ATP1A1: variants seen among roughly 807,000 people sequenced by gnomAD.
ATP1A1 encodes the protein sodium/potassium-transporting ATPase subunit alpha-1.
Under a neutral mutation model 114.8 loss-of-function variants are expected in ATP1A1, and 14 were observed. The ratio of observed to expected loss-of-function variants is 0.12; its 90% CI spans 0.08 to 0.19. The LOEUF is 0.19. Ranked by LOEUF, ATP1A1 falls within the 10% of genes least tolerant of loss-of-function variation. The probability of loss-of-function intolerance (pLI) is 1.00; values close to 1 mark genes in which losing one functional copy is unlikely to be tolerated. For missense variants in ATP1A1, 524 were observed against 1,290.7 expected, an observed-to-expected ratio of 0.41 and a Z score of 9.10; for synonymous variants, 471 against 466.3, an observed-to-expected ratio of 1.01 and a Z score of -0.13.
At chr1:116,386,713 A>G (rs10924076) in intron 3 of ATP1A1, among the ~76,000 whole-genome samples, 5,076 of 152,234 alleles carry the variant, frequency 0.033, 293 homozygotes, top group African/African-American at 0.11. Flanking sequence ...AGTACTTTTC[A>G]GTCAACAGGT....
rs1440360198 is a variant in ATP1A1 at position 116,403,955 on chromosome 1, T to A, written c.3023T>A (p.Ile1008Asn). 2 of 1,614,214 alleles carry A rather than the reference T, an allele frequency of 1.2e-6. No individual in the cohort carries two copies. Among genetic ancestry groups the A allele is most frequent in the Non-Finnish European group, 1.7e-6 (2 of 1,180,022 alleles). Residue 1008 changes from isoleucine to asparagine, a missense_variant, in exon 22 of 23, where the codon ATC becomes AAC. Around this residue, in one of 8 missense-constraint regions of ATP1A1, gnomAD observed 84 missense variants for 209.3 expected, o/e 0.40. Coordinates refer to ENST00000295598, the MANE Select transcript of ATP1A1 (RefSeq NM_000701.8). The stretch of plus-strand genomic sequence containing the variant: ...GTATATGACGAAGTCAGAAAACTCA[T>A]CATCAGGCGACGCCCTGGCGGTAAT... ...IFVYDEVRKL[I>N]IRRRPGGWVE...
intron 1 of ATP1A1, among the ~76,000 whole-genome samples, chr1:116,377,196 A>T (rs1213778021): frequency 6.6e-6 from 1 of 152,244 alleles, no homozygotes; most frequent in Non-Finnish European, 1.5e-5. Context: ...TCAGTTTCTC[A>T]TCTGGCTTTT....
chr1:116,378,347 C>G (rs772889792), intron 1 of ATP1A1, among the ~76,000 whole-genome samples: 5 of 152,216 alleles, frequency 3.3e-5, no homozygotes, highest in Non-Finnish European at 7.3e-5. Flanking sequence ...TGAAATATAT[C>G]TGCACGTGAT....
At chr1:116,374,350 A>G (rs1456882449) in intron 1 of ATP1A1, 5 of 1,511,248 alleles carry the variant, frequency 3.3e-6, no homozygotes, top group Non-Finnish European at 4.5e-6. Flanking sequence ...TTTTTTTTGA[A>G]GGGACGAGCC....
intron 1 of ATP1A1, among the ~76,000 whole-genome samples, chr1:116,378,280 A>G (rs1651494326): frequency 1.3e-5 from 2 of 152,220 alleles, no homozygotes; most frequent in Non-Finnish European, 2.9e-5. Flanking sequence ...GTGACTTTAC[A>G]GTGAATCTCT....
rs911133333 is a variant in ATP1A1, at chr1:116,385,819, T to A, written c.183+977T>A. On this transcript the variant is annotated intron_variant, in intron 3 of 22. Coordinates refer to ENST00000295598, the MANE Select transcript of ATP1A1 (RefSeq NM_000701.8). This position sits in a 1 kb window ranked among gnomAD's most constrained non-coding sequence, Gnocchi z 4.3. ...TCACAGAAGTCATCTTCTGTGTTGA[T>A]TGTTGGGGTGTAAGAGTAGAGAAGA... 30 of 152,096 alleles carry A rather than the reference T, an allele frequency of 2.0e-4. No individual in the cohort carries two copies. The highest frequency in any genetic ancestry group is 7.2e-4 in the African/African-American group (30 of 41,388). The allele number at this position is 152,096 out of a possible 1,614,324, so 9.4% of individuals were successfully genotyped here. A position where few individuals can be genotyped will look rare whatever the true frequency, so the allele number is the denominator to read the frequency against.
Position 116,393,780 on chromosome 1 carries a change from T to C in ATP1A1, c.1660+57T>C, listed in dbSNP as rs1652666974. 2 of 1,518,806 alleles carry C rather than the reference T, an allele frequency of 1.3e-6. No homozygotes were observed. The highest frequency in any genetic ancestry group is 1.8e-6 in the Non-Finnish European group (2 of 1,119,260). 94.1% of individuals were successfully genotyped at this position (1,518,806 alleles called of 1,614,324 possible). A position where few individuals can be genotyped will look rare whatever the true frequency, so the allele number is the denominator to read the frequency against. On this transcript the variant is annotated intron_variant, in intron 12 of 22. Transcript: ENST00000295598. This position sits in a 1 kb window ranked among gnomAD's most constrained non-coding sequence, Gnocchi z 5.0. The stretch of plus-strand genomic sequence containing the variant: ...GGCACGTTTTTATCCAGTAACCTAG[T>C]CTGGTAGACAGTTAACAAGTGATCC...
intron 1 of ATP1A1, chr1:116,374,112 C>T: frequency 6.5e-7 from 1 of 1,528,634 alleles, no homozygotes; most frequent in Non-Finnish European, 8.8e-7. Flanking sequence ...GACGCTGGGG[C>T]TTAGCTTGCT....
At position 116,397,900 on chromosome 1, in the gene ATP1A1, C is replaced by G. The variant is rs1653071897; in HGVS notation, c.1986C>G (p.Ala662=). 1.2e-6 allele frequency: 2 copies of G among 1,611,108 alleles called. No homozygotes were observed. The highest frequency in any genetic ancestry group is 1.7e-4 in the Middle Eastern group (1 of 6,046). The change falls in exon 15 of 23, where the codon GCC becomes GCG. Residue 662 remains alanine, a synonymous_variant. Coordinates refer to ENST00000295598, the MANE Select transcript of ATP1A1 (RefSeq NM_000701.8). This position sits in a 1 kb window ranked among gnomAD's most constrained non-coding sequence, Gnocchi z 4.2. ...GTCCTAATTCTAGGGATGCCAAGGC[C>G]TGCGTAGTACACGGCAGTGATCTAA... The part of the protein sequence containing the change: ...VSQVNPRDAK[A]CVVHGSDLKD...
intron 1 of ATP1A1, among the ~76,000 whole-genome samples, chr1:116,377,159 GTAAAA>G (rs930065322): frequency 6.6e-6 from 1 of 152,212 alleles, no homozygotes; most frequent in African/African-American, 2.4e-5. Flanking sequence ...AGGTTTAAAA[GTAAAA>G]TAAAATAAAA....
Position 116,388,092 on chromosome 1 carries a change from T to G in ATP1A1, c.388-39T>G. On this transcript the variant is annotated intron_variant, in intron 4 of 22. Transcript: ENST00000295598. This position sits in a 1 kb window ranked among gnomAD's most constrained non-coding sequence, Gnocchi z 5.6. Reference sequence around the variant, plus strand: ...ATTAATTGAATGTCCCTAATTATTGTGTAGAGCCACGGGCCCTAACTTGTC... The same window carrying G: ...ATTAATTGAATGTCCCTAATTATTGGGTAGAGCCACGGGCCCTAACTTGTC... 1 of 1,347,312 alleles carries G rather than the reference T, an allele frequency of 7.4e-7. No individual in the cohort carries two copies. 83.5% of individuals were successfully genotyped at this position (1,347,312 alleles called of 1,614,324 possible). A position where few individuals can be genotyped will look rare whatever the true frequency, so the allele number is the denominator to read the frequency against.
rs79702421 is a variant in ATP1A1, at chr1:116,403,115, A to C, written c.2952-769A>C. Among the ~76,000 whole-genome samples, 45 of 152,302 alleles carry C rather than the reference A, an allele frequency of 3.0e-4. No homozygotes were observed. In the East Asian group the frequency reaches 8.1e-3, roughly 27 times the overall value. On this transcript the variant is annotated intron_variant, in intron 21 of 22. Coordinates refer to ENST00000295598, the MANE Select transcript of ATP1A1 (RefSeq NM_000701.8). The stretch of plus-strand genomic sequence containing the variant: ...TGCCACCACCAAAGAGATTGTTCTG[A>C]CAGGTTCTGCCCAATTTTGGAAGGT...
At position 116,389,937 on chromosome 1, in the gene ATP1A1, G is replaced by A; in HGVS notation, c.1023+230G>A. On this transcript the variant is annotated intron_variant, in intron 8 of 22. Transcript: ENST00000295598. The surrounding 1 kb of genome is among the most constrained non-coding windows in gnomAD (Gnocchi z 6.9). ...CATTTTGCTTTTAAATTATCACGTG[G>A]TCCTGAACAGTGCAGTGGAGAAAGG... 2.7e-6 allele frequency: 2 copies of A among 732,410 alleles called. No individual in the cohort carries two copies. The highest frequency in any genetic ancestry group is 4.4e-6 in the Non-Finnish European group (2 of 458,506). 45.4% of individuals were successfully genotyped at this position (732,410 alleles called of 1,614,324 possible). A position where few individuals can be genotyped will look rare whatever the true frequency, so the allele number is the denominator to read the frequency against.
intron 1 of ATP1A1, among the ~76,000 whole-genome samples, chr1:116,376,423 G>A (rs1439454718): frequency 2.0e-5 from 3 of 152,158 alleles, no homozygotes; most frequent in Non-Finnish European, 4.4e-5. Context: ...GCATTGTAAG[G>A]CAGATGCCTC....
Position 116,393,503 on chromosome 1 carries a change from A to G in ATP1A1, c.1468-28A>G. On this transcript the variant is annotated intron_variant, in intron 11 of 22. Transcript: ENST00000295598. The surrounding 1 kb of genome is among the most constrained non-coding windows in gnomAD (Gnocchi z 5.0). ...GGACTGCCACACATCCAACCATCCA[A>G]TGTTTATGTCTCAACAATCCTTCAC... 1.3e-6 allele frequency: 2 copies of G among 1,590,078 alleles called. No individual in the cohort carries two copies. Among genetic ancestry groups the G allele is most frequent in the Non-Finnish European group, 1.7e-6 (2 of 1,164,164 alleles).
chr1:116,401,942 G>C lies in ATP1A1; in HGVS notation c.2951+287G>C. 1 of 391,622 alleles carries C rather than the reference G, an allele frequency of 2.6e-6. No homozygotes were observed. Among genetic ancestry groups the C allele is most frequent in the Non-Finnish European group, 4.6e-6 (1 of 218,322 alleles). 24.3% of individuals were successfully genotyped at this position (391,622 alleles called of 1,614,324 possible). A position where few individuals can be genotyped will look rare whatever the true frequency, so the allele number is the denominator to read the frequency against. On this transcript the variant is annotated intron_variant, in intron 21 of 22. Transcript: ENST00000295598. The surrounding 1 kb of genome is among the most constrained non-coding windows in gnomAD (Gnocchi z 4.7). ...ACAGCGAACTGCATTGAGCACTCAGGTCTGCCACAGCTGTAGTCCAGTTGT... is the reference window on the plus strand; with the variant it reads ...ACAGCGAACTGCATTGAGCACTCAGCTCTGCCACAGCTGTAGTCCAGTTGT...
In ATP1A1 at chr1:116,397,859, CTT is replaced by C. The variant is rs77990511; in HGVS notation, c.1974-15_1974-14del. On this transcript the variant is annotated intron_variant, in intron 14 of 22. Coordinates refer to ENST00000295598, the MANE Select transcript of ATP1A1 (RefSeq NM_000701.8). The surrounding 1 kb of genome is among the most constrained non-coding windows in gnomAD (Gnocchi z 4.2). ...CACATGCTGGTGATGTGATGCGTGA[CTT>C]TTTTTTTTTTTTTGTCCTAATTCTA... 6.5e-3 allele frequency: 9,168 copies of C among 1,405,672 alleles called. No homozygotes were observed. The highest frequency in any genetic ancestry group is 0.013 in the Admixed American group (645 of 48,580). The allele number at this position is 1,405,672 out of a possible 1,614,324, so 87.1% of individuals were successfully genotyped here.
intron 1 of ATP1A1, chr1:116,374,038 C>T (rs1345007148): frequency 2.8e-6 from 4 of 1,407,640 alleles, no homozygotes; most frequent in Non-Finnish European, 2.8e-6. Flanking sequence ...CCCGGGCCTC[C>T]GTTCCCGCCG....
At position 116,398,390 on chromosome 1, in the gene ATP1A1, T is replaced by C. The variant is rs1461492196; in HGVS notation, c.2125-231T>C. Among the ~76,000 whole-genome samples the C allele has an allele frequency of 1.3e-5, 2 of 152,288 alleles. No homozygotes were observed. Among genetic ancestry groups the C allele is most frequent in the East Asian group, 3.9e-4 (2 of 5,178 alleles). On this transcript the variant is annotated intron_variant, in intron 15 of 22. Coordinates refer to ENST00000295598, the MANE Select transcript of ATP1A1 (RefSeq NM_000701.8). This position sits in a 1 kb window ranked among gnomAD's most constrained non-coding sequence, Gnocchi z 6.1. ...GTGCCACCCACCAGAGTCATTACTTTGAGTAGCTCTTGTTAATGCTGGGGG... is the reference window on the plus strand; with the variant it reads ...GTGCCACCCACCAGAGTCATTACTTCGAGTAGCTCTTGTTAATGCTGGGGG...
Sources: allele counts gnomAD v4.1 joint callset (sites outside exome capture counted in the v4.1 genomes callset), GRCh38; gene constraint gnomAD v4.1.1; regional missense constraint gnomAD v4.1.1; non-coding constraint Gnocchi (gnomAD v3.1); transcripts MANE v1.5; gene names NCBI Gene and HGNC (gene_info 2026-07-23, HGNC 2026-07-21).